GRIA4: variants seen among roughly 807,000 people sequenced by gnomAD.
GRIA4 encodes the protein glutamate receptor 4.
A neutral mutation model predicts 104.0 loss-of-function variants in GRIA4; 34 were observed. That is an observed-to-expected ratio of 0.33 (90% CI 0.25 to 0.44). The LOEUF (loss-of-function observed/expected upper bound fraction) is 0.44, where lower values mean the gene tolerates loss of function less well. GRIA4 is among the 20% of genes least tolerant of loss of function. The pLI, the probability that GRIA4 is intolerant of heterozygous loss-of-function variation, is 1.00. For synonymous variants in GRIA4, 386 were observed against 381.9 expected (o/e 1.01, Z -0.13); for missense variants, 750 against 1,096.5 (o/e 0.68, Z 4.46).
intron 10 of GRIA4, among the ~76,000 whole-genome samples, chr11:105,915,022 G>T (rs917731072): frequency 2.6e-5 from 4 of 152,138 alleles, no homozygotes; most frequent in Non-Finnish European, 4.4e-5. Flanking sequence ...GAGCATGGGG[G>T]AAATGAGGAG....
At chr11:105,951,409 G>A (rs769670548) in intron 14 of GRIA4, among the ~76,000 whole-genome samples, 7 of 152,132 alleles carry the variant, frequency 4.6e-5, no homozygotes, top group Non-Finnish European at 1.0e-4. Flanking sequence ...AAAAATGAAT[G>A]CTATTCAGAG....
intron 14 of GRIA4, among the ~76,000 whole-genome samples, chr11:105,942,266 T>C (rs932375858): frequency 2.6e-5 from 4 of 152,064 alleles, no homozygotes; most frequent in Admixed American, 6.6e-5. Flanking sequence ...AAACAGTTCA[T>C]TTCTACTAAG....
intron 14 of GRIA4, among the ~76,000 whole-genome samples, chr11:105,962,992 A>T (rs1228329654): frequency 5.3e-5 from 8 of 152,154 alleles, no homozygotes; most frequent in Non-Finnish European, 1.5e-5. Context: ...CCTTAGAATC[A>T]ATATGAGTTT....
chr11:105,650,309 C>T (rs1951649113), intron 3 of GRIA4, among the ~76,000 whole-genome samples: 1 of 151,924 alleles, frequency 6.6e-6, no homozygotes, highest in South Asian at 2.1e-4. Flanking sequence ...GGGTATTTTC[C>T]CAGAAGAGAG....
intron 3 of GRIA4, among the ~76,000 whole-genome samples, chr11:105,681,160 T>C (rs1591551819): frequency 6.6e-6 from 1 of 152,216 alleles, no homozygotes; most frequent in Non-Finnish European, 1.5e-5. Context: ...TTTGACTTGA[T>C]AATAAGTAGT....
chr11:105,936,315 G>A (rs1948033738), intron 14 of GRIA4, among the ~76,000 whole-genome samples: 1 of 152,186 alleles, frequency 6.6e-6, no homozygotes, highest in African/African-American at 2.4e-5. Flanking sequence ...GCAAGGTCGA[G>A]AGAACATACC....
At chr11:105,733,383 G>C (rs1938724794) in intron 3 of GRIA4, among the ~76,000 whole-genome samples, 1 of 152,072 alleles carries the variant, frequency 6.6e-6, no homozygotes, top group Non-Finnish European at 1.5e-5. Context: ...TGGAATTGTT[G>C]GGAGATTTTT....
chr11:105,774,619 C>A (rs1222178383), intron 4 of GRIA4, among the ~76,000 whole-genome samples: 1 of 151,986 alleles, frequency 6.6e-6, no homozygotes, highest in Admixed American at 6.6e-5. Context: ...TGCCTTCTTA[C>A]CAGATGTTAC....
intron 4 of GRIA4, among the ~76,000 whole-genome samples, chr11:105,784,955 G>A (rs544264127): frequency 3.3e-4 from 51 of 152,242 alleles, no homozygotes; most frequent in Non-Finnish European, 6.3e-4. Flanking sequence ...GGCATCCTAC[G>A]TGATTCCAAA....
intron 4 of GRIA4, among the ~76,000 whole-genome samples, chr11:105,825,440 C>T (rs1407973473): frequency 2.0e-5 from 3 of 152,040 alleles, no homozygotes; most frequent in Non-Finnish European, 1.5e-5. Flanking sequence ...AGGCCAGCTA[C>T]GTTCTTGAAT....
chr11:105,919,429 T>G lies in GRIA4; in HGVS notation c.1476+511T>G, dbSNP rs537184247. ...TTAAATATTCATCAATAATGTCAGA[T>G]TCTCACAATTCTGCTGAACACAGTA... On this transcript the variant is annotated intron_variant, in intron 11 of 16. Coordinates refer to ENST00000282499, the MANE Select transcript of GRIA4 (RefSeq NM_000829.4). Among the ~76,000 whole-genome samples the G allele has an allele frequency of 6.6e-5, 10 of 152,264 alleles. 1 individual carries two copies. The South Asian group carries it at 1.9e-3, about 28-fold the overall frequency.
At chr11:105,876,936 G>A (rs1945850263) in intron 5 of GRIA4, among the ~76,000 whole-genome samples, 1 of 152,188 alleles carries the variant, frequency 6.6e-6, no homozygotes, top group Admixed American at 6.5e-5. Flanking sequence ...ATTGTTACAT[G>A]TGAATTTGAT....
At chr11:105,768,008 C>T (rs1263410102) in intron 4 of GRIA4, among the ~76,000 whole-genome samples, 2 of 152,018 alleles carry the variant, frequency 1.3e-5, no homozygotes, top group East Asian at 3.9e-4. Context: ...TGGGCAGTCC[C>T]AACAGTTCCT....
chr11:105,747,616 T>C (rs1565513651), intron 3 of GRIA4, among the ~76,000 whole-genome samples: 1 of 152,114 alleles, frequency 6.6e-6, no homozygotes, highest in Non-Finnish European at 1.5e-5. Context: ...AGAATAAATA[T>C]AGAATATAGA....
chr11:105,719,935 T>C (rs145112908), intron 3 of GRIA4, among the ~76,000 whole-genome samples: 89 of 152,150 alleles, frequency 5.8e-4, no homozygotes, highest in East Asian at 3.1e-3. Context: ...ATCCTGCCAA[T>C]TGGTCTTTCA....
At chr11:105,772,096 G>A (rs7128946) in intron 4 of GRIA4, among the ~76,000 whole-genome samples, 2,106 of 152,158 alleles carry the variant, frequency 0.014, 38 homozygotes, top group African/African-American at 0.047. Flanking sequence ...GAGCTCAAGC[G>A]TTGTGAGTAT....
chr11:105,903,298 A>G (rs1159386290), intron 7 of GRIA4, among the ~76,000 whole-genome samples: 1 of 152,234 alleles, frequency 6.6e-6, no homozygotes, highest in Non-Finnish European at 1.5e-5. Flanking sequence ...ATAACAATAA[A>G]CAATTCCACT....
intron 3 of GRIA4, among the ~76,000 whole-genome samples, chr11:105,658,938 T>C (rs1368573908): frequency 6.6e-6 from 1 of 151,990 alleles, no homozygotes; most frequent in African/African-American, 2.4e-5. Flanking sequence ...TAATCTCTTC[T>C]CCTTCCTAAA....
intron 3 of GRIA4, among the ~76,000 whole-genome samples, chr11:105,696,162 C>T (rs944545577): frequency 6.6e-6 from 1 of 152,164 alleles, no homozygotes; most frequent in Non-Finnish European, 1.5e-5. Flanking sequence ...GGGTTCAGTA[C>T]ACTCAAACTG....
Sources: allele counts gnomAD v4.1 joint callset (sites outside exome capture counted in the v4.1 genomes callset), GRCh38; gene constraint gnomAD v4.1.1; transcripts MANE v1.5; gene names NCBI Gene and HGNC (gene_info 2026-07-23, HGNC 2026-07-21).